Variants in SLC24A2 observed in about 807,000 individuals in gnomAD.
SLC24A2 encodes the protein solute carrier family 24 member 2.
A neutral mutation model predicts 62.0 loss-of-function variants in SLC24A2; 36 were observed. The ratio of observed to expected loss-of-function variants is 0.58; its 90% CI spans 0.44 to 0.77. SLC24A2 has a LOEUF of 0.77. Ranked by LOEUF, SLC24A2 falls within the 30% of genes least tolerant of loss-of-function variation. SLC24A2 has a pLI of 0.00. For synonymous variants in SLC24A2, 358 were observed against 294.0 expected (o/e 1.22, Z -2.23); for missense variants, 846 against 817.9 (o/e 1.03, Z -0.42).
chr9:20,125,496 A>G, the SLC24A2 span, among the ~76,000 whole-genome samples: 4 of 152,190 alleles, frequency 2.6e-5, no homozygotes, highest in Non-Finnish European at 5.9e-5. Flanking sequence ...CTTCCTATAC[A>G]TATAAGACTA....
intron 8 of SLC24A2, among the ~76,000 whole-genome samples, chr9:19,544,091 T>G (rs1407935021): frequency 6.6e-6 from 1 of 152,092 alleles, no homozygotes; most frequent in Non-Finnish European, 1.5e-5. Context: ...TCTAAGAACT[T>G]GCCTTATGAA....
chr9:19,631,537 G>A (rs936001540), intron 2 of SLC24A2, among the ~76,000 whole-genome samples: 1 of 152,090 alleles, frequency 6.6e-6, no homozygotes, highest in African/African-American at 2.4e-5. Flanking sequence ...TGAGTGAGGG[G>A]GTCTTACATA....
intron 8 of SLC24A2, among the ~76,000 whole-genome samples, chr9:19,528,744 TG>T (rs2132661746): frequency 6.6e-6 from 1 of 152,268 alleles, no homozygotes; most frequent in East Asian, 1.9e-4. Context: ...TCCAGGACAC[TG>T]GAACCACCCA....
At chr9:20,140,383 G>T in the SLC24A2 span, among the ~76,000 whole-genome samples, 1 of 152,260 alleles carries the variant, frequency 6.6e-6, no homozygotes, top group African/African-American at 2.4e-5. Flanking sequence ...GGTAGATTTG[G>T]GTGCCTGCTG....
chr9:19,650,007 C>A (rs967993784), intron 2 of SLC24A2, among the ~76,000 whole-genome samples: 1 of 152,166 alleles, frequency 6.6e-6, no homozygotes, highest in Non-Finnish European at 1.5e-5. Context: ...CTAACTCTGG[C>A]GGGGTACAAC....
chr9:19,652,072 G>A (rs899490054), intron 2 of SLC24A2, among the ~76,000 whole-genome samples: 2 of 152,182 alleles, frequency 1.3e-5, no homozygotes, highest in Non-Finnish European at 2.9e-5. Flanking sequence ...GCATAGAGAG[G>A]AATTTCAAAT....
chr9:19,895,835 C>T, the SLC24A2 span: 2 of 1,606,694 alleles, frequency 1.2e-6, no homozygotes, highest in Non-Finnish European at 1.7e-6. Context: ...AAGGACCGCT[C>T]CTCAGGGGTC....
At chr9:19,745,816 C>T (rs1821816259) in intron 2 of SLC24A2, among the ~76,000 whole-genome samples, 1 of 152,058 alleles carries the variant, frequency 6.6e-6, no homozygotes, top group South Asian at 2.1e-4. Flanking sequence ...TTTATTATGC[C>T]CATCTAACCA....
the SLC24A2 span, among the ~76,000 whole-genome samples, chr9:20,206,699 C>T: frequency 2.0e-5 from 3 of 152,068 alleles, no homozygotes; most frequent in South Asian, 2.1e-4. Flanking sequence ...TCATGCTGGT[C>T]TCGAACTCCT....
At chr9:19,807,900 AG>A in the SLC24A2 span, among the ~76,000 whole-genome samples, 4 of 152,220 alleles carry the variant, frequency 2.6e-5, no homozygotes, top group African/African-American at 9.6e-5. Context: ...ATGAAGAAAA[AG>A]CACAATGATC....
At chr9:19,925,586 G>A in the SLC24A2 span, among the ~76,000 whole-genome samples, 13 of 152,076 alleles carry the variant, frequency 8.5e-5, no homozygotes, top group Non-Finnish European at 1.9e-4. Flanking sequence ...CAAATATTTC[G>A]TATTTGAGAA....
chr9:19,529,628 C>G (rs1273776810), intron 8 of SLC24A2, among the ~76,000 whole-genome samples: 2 of 151,868 alleles, frequency 1.3e-5, no homozygotes, highest in African/African-American at 4.8e-5. Flanking sequence ...TGCTCCCTTT[C>G]TTTCTTAGAA....
intron 10 of SLC24A2, among the ~76,000 whole-genome samples, chr9:19,518,007 C>CA (rs1292090583): frequency 6.6e-6 from 1 of 150,996 alleles, no homozygotes; most frequent in East Asian, 1.9e-4. Context: ...AAATGGCTTG[C>CA]AAAAACCTTT....
chr9:19,705,574 A>C (rs966576495), intron 2 of SLC24A2: 2 of 230,968 alleles, frequency 8.7e-6, no homozygotes, highest in South Asian at 7.9e-5. Flanking sequence ...AAGCCCCCCA[A>C]AACTAGCCAG....
chr9:20,150,541 T>G, the SLC24A2 span, among the ~76,000 whole-genome samples: 3 of 146,726 alleles, frequency 2.0e-5, no homozygotes, highest in African/African-American at 8.2e-5. Context: ...TAATTTCCTA[T>G]GCCCACCAAG....
the SLC24A2 span, among the ~76,000 whole-genome samples, chr9:20,056,724 T>G: frequency 6.6e-6 from 1 of 152,164 alleles, no homozygotes; most frequent in East Asian, 1.9e-4. Context: ...AACCCCCTTT[T>G]GGTCTCTGAA....
chr9:20,189,550 C>A, the SLC24A2 span, among the ~76,000 whole-genome samples: 221 of 152,224 alleles, frequency 1.5e-3, no homozygotes, highest in Non-Finnish European at 2.7e-3. Context: ...CTGTCTAGAC[C>A]ATGAAATCCA....
At chr9:20,236,554 T>C in the SLC24A2 span, among the ~76,000 whole-genome samples, 1 of 152,196 alleles carries the variant, frequency 6.6e-6, no homozygotes, top group Non-Finnish European at 1.5e-5. Flanking sequence ...ATTTATCTTG[T>C]CCATGTTACT....
chr9:19,621,249 T>C (rs1564002158), intron 3 of SLC24A2, among the ~76,000 whole-genome samples: 2 of 152,154 alleles, frequency 1.3e-5, no homozygotes, highest in Admixed American at 1.3e-4. Flanking sequence ...GCCAATTCAA[T>C]AGGGATGGAA....
Sources: allele counts gnomAD v4.1 joint callset (sites outside exome capture counted in the v4.1 genomes callset), GRCh38; gene constraint gnomAD v4.1.1; transcripts MANE v1.5; gene names NCBI Gene and HGNC (gene_info 2026-07-23, HGNC 2026-07-21).